Variants in SI observed in about 807,000 individuals in gnomAD.
The protein encoded by SI is sucrase-isomaltase, also known as sucrase-isomaltase, intestinal.
A neutral mutation model predicts 253.3 loss-of-function variants in SI; 235 were observed. The ratio of observed to expected loss-of-function variants is 0.93; its 90% CI spans 0.83 to 1.03. SI has a LOEUF of 1.03. SI is among the 50% of genes least tolerant of loss of function. The pLI, the probability that SI is intolerant of heterozygous loss-of-function variation, is 0.00. For missense variants in SI, 2,442 were observed against 2,211.1 expected (o/e 1.10, Z -2.09); for synonymous variants, 819 against 712.0 (o/e 1.15, Z -2.39).
intron 3 of SI, among the ~76,000 whole-genome samples, chr3:165,070,655 G>C (rs1714517563): frequency 6.6e-6 from 1 of 151,840 alleles, no homozygotes; most frequent in Admixed American, 6.6e-5. Flanking sequence ...ACACAAAGGT[G>C]CTAAGTTTAA....
intron 7 of SI, among the ~76,000 whole-genome samples, chr3:165,063,902 C>T (rs1714097276): frequency 8.3e-6 from 1 of 120,042 alleles, no homozygotes. Flanking sequence ...AACCCTGTTT[C>T]TACTAAAAAT....
At chr3:165,070,911 C>A (rs2108105138) in intron 3 of SI, among the ~76,000 whole-genome samples, 1 of 152,134 alleles carries the variant, frequency 6.6e-6, no homozygotes, top group East Asian at 1.9e-4. Flanking sequence ...CAAAATAATT[C>A]TCCCTTGTCT....
At chr3:165,042,341 T>C (rs1389739257) in intron 17 of SI, among the ~76,000 whole-genome samples, 1 of 152,070 alleles carries the variant, frequency 6.6e-6, no homozygotes, top group African/African-American at 2.4e-5. Context: ...AAACACAATA[T>C]AAGCCCTGTA....
intron 16 of SI, among the ~76,000 whole-genome samples, chr3:165,046,140 A>G (rs1178137891): frequency 6.6e-6 from 1 of 151,846 alleles, no homozygotes; most frequent in Non-Finnish European, 1.5e-5. Context: ...CTATTTTTCA[A>G]TTTTCAAACA....
the SI span, among the ~76,000 whole-genome samples, chr3:165,086,037 T>G: frequency 6.6e-6 from 1 of 152,006 alleles, no homozygotes; most frequent in Non-Finnish European, 1.5e-5. Context: ...GTGGATCACT[T>G]GAGGTCAGGA....
chr3:164,984,404 A>G (rs1040455696), intron 45 of SI, among the ~76,000 whole-genome samples: 9 of 152,128 alleles, frequency 5.9e-5, no homozygotes, highest in Non-Finnish European at 1.2e-4. Flanking sequence ...GTATTACAAG[A>G]CATATTAGTG....
intron 12 of SI, among the ~76,000 whole-genome samples, chr3:165,057,205 G>A (rs1713734688): frequency 6.6e-6 from 1 of 151,774 alleles, no homozygotes; most frequent in Non-Finnish European, 1.5e-5. Context: ...ACTGAAGAAT[G>A]CATCAGAGTC....
chr3:165,068,130 G>A (rs1714355536), intron 5 of SI, among the ~76,000 whole-genome samples: 1 of 151,974 alleles, frequency 6.6e-6, no homozygotes, highest in Non-Finnish European at 1.5e-5. Flanking sequence ...TATGTTGCAT[G>A]TATACGACAC....
chr3:165,074,126 A>T (rs903172815), intron 3 of SI, among the ~76,000 whole-genome samples: 2 of 152,190 alleles, frequency 1.3e-5, no homozygotes, highest in African/African-American at 2.4e-5. Context: ...AATTTTCATA[A>T]AATGAGTATT....
At position 164,998,692 on chromosome 3, in the gene SI, A is replaced by C; in HGVS notation, c.4407-19T>G. On this transcript the variant is annotated intron_variant, in intron 37 of 47. Transcript: ENST00000264382. Reference sequence around the variant, plus strand: ...CAATGCACTAATATAGTAGAGAAGTATTTTTGAGTTTTTACATGAGATATT... The same window carrying C: ...CAATGCACTAATATAGTAGAGAAGTCTTTTTGAGTTTTTACATGAGATATT... 1 of 1,604,794 alleles carries C rather than the reference A, an allele frequency of 6.2e-7. No homozygotes were observed. Among genetic ancestry groups the C allele is most frequent in the Non-Finnish European group, 8.5e-7 (1 of 1,172,332 alleles).
chr3:165,015,076 A>C (rs1253114037), intron 33 of SI, 47 bp downstream of exon 33: 1 of 1,408,386 alleles, frequency 7.1e-7, no homozygotes, highest in Non-Finnish European at 1.0e-6. Context: ...ACTTTCATTG[A>C]AATATAATTT....
In SI at chr3:165,016,022, TCAC is replaced by T. The variant is rs762278956; in HGVS notation, c.3815_3817del (p.Gly1272del). ...AAACTGAGGAAGGTCCTGGAATGCT[TCAC>T]CAATTGTAAAGTCTAGCTGCCTTTC... On this transcript the variant is annotated inframe_deletion, in exon 32 of 48. Transcript: ENST00000264382. 6.2e-7 allele frequency: 1 copy of T among 1,612,256 alleles called. No homozygotes were observed. Among genetic ancestry groups the T allele is most frequent in the Middle Eastern group, 1.7e-4 (1 of 6,050 alleles).
chr3:165,005,029 C>T (rs1431664204), intron 37 of SI, among the ~76,000 whole-genome samples: 1 of 152,218 alleles, frequency 6.6e-6, no homozygotes, highest in African/African-American at 2.4e-5. Flanking sequence ...CTATCTCTGT[C>T]TCCTAAAGTC....
chr3:164,988,965 T>G (rs1398886263), intron 44 of SI, among the ~76,000 whole-genome samples: 1 of 151,960 alleles, frequency 6.6e-6, no homozygotes, highest in Non-Finnish European at 1.5e-5. Context: ...GCCTTCATCT[T>G]TATATGGGAC....
Position 165,032,557 on chromosome 3 carries a change from C to A in SI, c.2701G>T (p.Ala901Ser). ...RVAENNQPMN[A>S]HSNFTYDASN... ...GCATCATAAGTGAAATTGGAATGAG[C>A]GTTCATTGGTTGATTATTTTCCGCC... The change falls in exon 24 of 48, where the codon GCT (alanine) becomes TCT (serine). Residue 901 changes from alanine to serine, a missense_variant. Physicochemically the swap from Ala to Ser is moderately conservative, Grantham distance 99 (BLOSUM62 1). Coordinates refer to ENST00000264382, the MANE Select transcript of SI (RefSeq NM_001041.4). The A allele has an allele frequency of 2.5e-6, 4 of 1,608,390 alleles. No individual in the cohort carries two copies. Among genetic ancestry groups the A allele is most frequent in the Non-Finnish European group, 3.4e-6 (4 of 1,176,330 alleles).
Position 164,989,115 on chromosome 3 carries a change from TA to T in SI, c.5109-1890del, listed in dbSNP as rs11420472. On this transcript the variant is annotated intron_variant, in intron 44 of 47. Transcript: ENST00000264382. ...ATAAATAAATAAATAAATACATAAT[TA>T]AAAAAAAAAGAAACAGGTCTGGAGT... is the stretch of plus-strand genomic sequence containing the variant. Among the ~76,000 whole-genome samples the T allele has an allele frequency of 6.9e-4, 100 of 143,944 alleles. 1 individual carries two copies. Among genetic ancestry groups the T allele is most frequent in the African/African-American group, 1.9e-3 (74 of 39,152 alleles). The allele number at this position is 143,944 out of a possible 152,430, so 94.4% of individuals were successfully genotyped here.
chr3:165,063,592 A>T (rs1467527002), intron 7 of SI, 51 bp from the exon 8 acceptor site: 5 of 799,356 alleles, frequency 6.3e-6, no homozygotes, highest in Non-Finnish European at 2.2e-6. Flanking sequence ...TTAAAACACA[A>T]AAAGATTATA....
chr3:164,998,751 A>C (rs1279131753), intron 37 of SI, 78 bp from the exon 38 acceptor site: 2 of 1,126,198 alleles, frequency 1.8e-6, no homozygotes, highest in Non-Finnish European at 2.7e-6. Context: ...ACTACTTTGT[A>C]AAAAAAAATA....
At position 165,021,309 on chromosome 3, in the gene SI, A is replaced by G. The variant is rs1463908953; in HGVS notation, c.3174T>C (p.Tyr1058=). 1 of 1,611,254 alleles carries G rather than the reference A, an allele frequency of 6.2e-7. No individual in the cohort carries two copies. Among genetic ancestry groups the G allele is most frequent in the Admixed American group, 1.7e-5 (1 of 59,810 alleles). ...LNIPTTPIST[Y]EDRLYDVEIK... is the part of the protein sequence containing the mutation. Reference sequence around the variant, plus strand: ...TTTCCACATCATAAAGTCTGTCTTCATAAGTACTTATTGGGGTGGTTGGAA... The same window carrying G: ...TTTCCACATCATAAAGTCTGTCTTCGTAAGTACTTATTGGGGTGGTTGGAA... Residue 1058 remains tyrosine, a synonymous_variant, in exon 27 of 48, where the codon TAT becomes TAC. Coordinates refer to ENST00000264382, the MANE Select transcript of SI (RefSeq NM_001041.4).
Sources: gnomAD v4.1 joint callset for allele counts (sites outside exome capture counted in the v4.1 genomes callset) on GRCh38, gnomAD v4.1.1 for gene constraint, MANE v1.5 for transcripts, NCBI Gene and HGNC (gene_info 2026-07-23, HGNC 2026-07-21) for gene names.